KCTD16: variants seen among roughly 807,000 people sequenced by gnomAD.
KCTD16 encodes potassium channel tetramerization domain containing 16, also known as BTB/POZ domain-containing protein KCTD16.
In KCTD16, 13 loss-of-function variants were observed where a neutral mutation model predicts 33.2. That is an observed-to-expected ratio of 0.39 (90% CI 0.25 to 0.62). The LOEUF is 0.62. Ranked by LOEUF, KCTD16 falls within the 20% of genes least tolerant of loss-of-function variation. The pLI is 0.50. For synonymous variants in KCTD16, 197 were observed against 195.3 expected, an observed-to-expected ratio of 1.01 and a Z score of -0.07; for missense variants, 441 against 525.1, an observed-to-expected ratio of 0.84 and a Z score of 1.57.
intron 3 of KCTD16, among the ~76,000 whole-genome samples, chr5:144,371,669 C>T (rs536004017): frequency 2.6e-5 from 4 of 151,996 alleles, no homozygotes; most frequent in Admixed American, 6.6e-5. Flanking sequence ...GGTTCTGTGG[C>T]ACTGATGTTC....
At chr5:144,205,860 G>C (rs1327864630) in intron 2 of KCTD16, 1 of 302,750 alleles carries the variant, frequency 3.3e-6, no homozygotes, top group Admixed American at 5.1e-5. Context: ...TTATATAAAT[G>C]CATATATATA....
At chr5:144,279,081 T>C (rs532288091) in intron 3 of KCTD16, among the ~76,000 whole-genome samples, 1 of 152,334 alleles carries the variant, frequency 6.6e-6, no homozygotes, top group Non-Finnish European at 1.5e-5. Flanking sequence ...TTTAAAAAGT[T>C]GTTTTCCAAT....
At chr5:144,183,847 C>G (rs537711192) in intron 2 of KCTD16, among the ~76,000 whole-genome samples, 1 of 152,124 alleles carries the variant, frequency 6.6e-6, no homozygotes, top group African/African-American at 2.4e-5. Flanking sequence ...AGGTTTCATG[C>G]TTTACATAAT....
At chr5:144,462,546 G>A (rs1233821777) in intron 3 of KCTD16, among the ~76,000 whole-genome samples, 6 of 119,522 alleles carry the variant, frequency 5.0e-5, no homozygotes, top group African/African-American at 1.6e-4. Context: ...TTTTTTTTTT[G>A]AATAATTCTC....
At chr5:144,265,746 T>G (rs2126842618) in intron 3 of KCTD16, among the ~76,000 whole-genome samples, 1 of 152,354 alleles carries the variant, frequency 6.6e-6, no homozygotes, top group African/African-American at 2.4e-5. Context: ...TATTTGAAAC[T>G]GTCATTTAAT....
chr5:144,192,891 G>T (rs963047770), intron 2 of KCTD16, among the ~76,000 whole-genome samples: 1 of 152,164 alleles, frequency 6.6e-6, no homozygotes, highest in Non-Finnish European at 1.5e-5. Flanking sequence ...TATTCTATGA[G>T]CAGTGGTGAG....
At chr5:144,209,174 T>C (rs1436669823) in intron 3 of KCTD16, among the ~76,000 whole-genome samples, 1 of 152,188 alleles carries the variant, frequency 6.6e-6, no homozygotes, top group Non-Finnish European at 1.5e-5. Flanking sequence ...TTCAACCAAA[T>C]AAATGGAAAC....
chr5:144,299,434 T>C (rs1388831681), intron 3 of KCTD16, among the ~76,000 whole-genome samples: 2 of 151,910 alleles, frequency 1.3e-5, no homozygotes, highest in African/African-American at 4.8e-5. Context: ...AAACATACTC[T>C]CTATTTTCTA....
chr5:144,198,199 A>G (rs548446199), intron 2 of KCTD16, among the ~76,000 whole-genome samples: 39 of 152,294 alleles, frequency 2.6e-4, no homozygotes, highest in African/African-American at 9.1e-4. Flanking sequence ...ATATGACCCT[A>G]TCAGCTTTGT....
intron 3 of KCTD16, among the ~76,000 whole-genome samples, chr5:144,471,740 A>G (rs1270231744): frequency 1.3e-5 from 2 of 152,228 alleles, no homozygotes; most frequent in East Asian, 1.9e-4. Context: ...TGGAAAATGT[A>G]TAATAGCATG....
chr5:144,365,436 GAA>G (rs1433145100), intron 3 of KCTD16, among the ~76,000 whole-genome samples: 1 of 151,346 alleles, frequency 6.6e-6, no homozygotes, highest in Non-Finnish European at 1.5e-5. Flanking sequence ...AAGAGAGAGA[GAA>G]AGAGAGAGAG....
intron 3 of KCTD16, among the ~76,000 whole-genome samples, chr5:144,319,562 T>G (rs1752020002): frequency 6.6e-6 from 1 of 152,226 alleles, no homozygotes; most frequent in African/African-American, 2.4e-5. Flanking sequence ...AACATGCATT[T>G]TTTGAAGTCT....
intron 3 of KCTD16, among the ~76,000 whole-genome samples, chr5:144,214,171 C>T (rs1580793283): frequency 6.6e-6 from 1 of 152,108 alleles, no homozygotes; most frequent in African/African-American, 2.4e-5. Context: ...TTCTTCTCCC[C>T]ACTTTCTCCA....
chr5:144,275,396 T>C (rs1755411226), intron 3 of KCTD16, among the ~76,000 whole-genome samples: 1 of 152,190 alleles, frequency 6.6e-6, no homozygotes, highest in Admixed American at 6.5e-5. Context: ...TCATGTTGCC[T>C]GAACAGATAC....
intron 3 of KCTD16, among the ~76,000 whole-genome samples, chr5:144,314,836 C>G (rs188436346): frequency 1.1e-4 from 16 of 152,224 alleles, no homozygotes; most frequent in African/African-American, 3.9e-4. Context: ...CTTCATGCCC[C>G]CAAAATCTGA....
intron 2 of KCTD16, among the ~76,000 whole-genome samples, chr5:144,195,734 C>A (rs1348132044): frequency 6.6e-6 from 1 of 152,200 alleles, no homozygotes; most frequent in Non-Finnish European, 1.5e-5. Flanking sequence ...TAAATGAATT[C>A]TAAATGAGTG....
At chr5:144,351,875 G>A (rs553642575) in intron 3 of KCTD16, among the ~76,000 whole-genome samples, 2 of 152,230 alleles carry the variant, frequency 1.3e-5, no homozygotes, top group South Asian at 2.1e-4. Flanking sequence ...GTTATCAGAG[G>A]CTGTGGGGTG....
chr5:144,326,524 A>C (rs1199587088), intron 3 of KCTD16, among the ~76,000 whole-genome samples: 1 of 152,156 alleles, frequency 6.6e-6, no homozygotes, highest in East Asian at 1.9e-4. Context: ...TAAAATGGAA[A>C]TAAAATAAAT....
At chr5:144,373,080 T>G (rs921122154) in intron 3 of KCTD16, among the ~76,000 whole-genome samples, 1 of 152,170 alleles carries the variant, frequency 6.6e-6, no homozygotes, top group African/African-American at 2.4e-5. Context: ...GAATGTGGGA[T>G]GTCAAGAGTT....
Sources: allele counts gnomAD v4.1 joint callset (sites outside exome capture counted in the v4.1 genomes callset), GRCh38; gene constraint gnomAD v4.1.1; transcripts MANE v1.5; gene names NCBI Gene and HGNC (gene_info 2026-07-23, HGNC 2026-07-21).